The following TRRAP variants were observed in gnomAD, a reference collection of about 807,000 sequenced individuals.
The protein encoded by TRRAP is transformation/transcription domain associated protein.
Under a neutral mutation model 438.8 loss-of-function variants are expected in TRRAP, and 41 were observed. The ratio of observed to expected loss-of-function variants is 0.09; its 90% CI spans 0.07 to 0.12. The LOEUF is 0.12. Among genes scored for constraint, TRRAP ranks in the 10% least tolerant of loss-of-function variants. The pLI is 1.00. For synonymous variants in TRRAP, 1,994 were observed against 1,962.9 expected (o/e 1.02, Z -0.42); for missense variants, 3,122 against 5,055.1 (o/e 0.62, Z 11.60).
chr7:98,951,432 A>G (rs568957750), intron 39 of TRRAP, among the ~76,000 whole-genome samples: 1 of 152,292 alleles, frequency 6.6e-6, no homozygotes, highest in African/African-American at 2.4e-5. Context: ...CTCCTTTTCC[A>G]GTGAATGAAA....
At chr7:98,897,204 CAGCCTGGGCAACAG>C (rs1215684366) in intron 7 of TRRAP, among the ~76,000 whole-genome samples, 2 of 152,124 alleles carry the variant, frequency 1.3e-5, no homozygotes, top group Non-Finnish European at 2.9e-5. Flanking sequence ...CACTGCACTC[CAGCCTGGGCAACAG>C]AGCGAGACTC....
intron 33 of TRRAP, 73 bp downstream of exon 33, chr7:98,946,023 C>T: frequency 6.7e-6 from 9 of 1,347,512 alleles, no homozygotes; most frequent in East Asian, 3.2e-5. Context: ...TTAGCTGTGT[C>T]GTGGTTCTGT....
At chr7:98,972,505 A>C (rs190275506) in intron 53 of TRRAP, among the ~76,000 whole-genome samples, 1 of 152,322 alleles carries the variant, frequency 6.6e-6, no homozygotes. Context: ...AAATGAGTTA[A>C]TTTGCTAAAT....
chr7:98,920,012 T>C (rs545032653), intron 20 of TRRAP, among the ~76,000 whole-genome samples: 1 of 152,056 alleles, frequency 6.6e-6, no homozygotes, highest in East Asian at 1.9e-4. Flanking sequence ...AGGTGAGAGG[T>C]CTTAGACTAC....
chr7:98,975,755 G>A lies in TRRAP; in HGVS notation c.7840-394G>A, dbSNP rs546230670. Among the ~76,000 whole-genome samples, 28 of 152,280 alleles carry A rather than the reference G, an allele frequency of 1.8e-4. No homozygotes were observed. The South Asian group carries it at 4.8e-3, about 26-fold the overall frequency. Reference sequence around the variant, plus strand: ...TTGGCAAATAGTTTATGTCATATACGTGTGTTTTCACTTTCCTATTTTCAG... The same window carrying A: ...TTGGCAAATAGTTTATGTCATATACATGTGTTTTCACTTTCCTATTTTCAG... On this transcript the variant is annotated intron_variant, in intron 53 of 72. Coordinates refer to ENST00000456197, the MANE Select transcript of TRRAP (RefSeq NM_001375524.1).
intron 59 of TRRAP, 36 bp downstream of exon 59, chr7:98,981,996 G>GGCCTGTC (rs1234629321): frequency 2.5e-5 from 37 of 1,492,936 alleles, no homozygotes; most frequent in Non-Finnish European, 3.3e-5. Context: ...ACAGGCCTGT[G>GGCCTGTC]GCCTGTCGCA....
chr7:98,978,083 T>A (rs1792750118), intron 56 of TRRAP, 128 bp from the exon 57 acceptor site: 7 of 806,956 alleles, frequency 8.7e-6, no homozygotes, highest in Non-Finnish European at 1.4e-5. Context: ...AATTAAGAGT[T>A]TGAGTCCAGC....
Position 98,984,224 on chromosome 7 carries a change from G to A in TRRAP, c.9154G>A (p.Val3052Ile). 6.2e-7 allele frequency: 1 copy of A among 1,614,200 alleles called. No individual in the cohort carries two copies. ...CGCCCGGAAACAAGGACTGGTCAATGTAGCTCTGGATATATTAAGTCGGAT... is the reference window on the plus strand; with the variant it reads ...CGCCCGGAAACAAGGACTGGTCAATATAGCTCTGGATATATTAAGTCGGAT... ...KIARKQGLVN[V>I]ALDILSRIHT... The change falls in exon 61 of 73, where the codon GTA becomes ATA. Residue 3052 changes from valine (V) to isoleucine (I), a missense_variant. Around this residue, in one of 24 missense-constraint regions of TRRAP, gnomAD observed 129 missense variants for 279.2 expected, o/e 0.46. Transcript: ENST00000456197.
chr7:99,005,722 A>G lies in TRRAP; in HGVS notation c.10753+374A>G, dbSNP rs1794133149. Among the ~76,000 whole-genome samples the G allele has an allele frequency of 6.7e-6, 1 of 150,116 alleles. No individual in the cohort carries two copies. ...TTTTTAGCTCATCACCTGTCGTGTC[A>G]GTGTATTTTATGTGTGGCCTGAGAC... On this transcript the variant is annotated intron_variant, in intron 69 of 72. Transcript: ENST00000456197. This position sits in a 1 kb window ranked among gnomAD's most constrained non-coding sequence, Gnocchi z 5.1.
intron 65 of TRRAP, among the ~76,000 whole-genome samples, chr7:98,992,920 T>A (rs1793493081): frequency 1.3e-5 from 2 of 152,206 alleles, no homozygotes; most frequent in South Asian, 4.1e-4. Flanking sequence ...TGGCTTCATG[T>A]CTTGGTCATT....
intron 18 of TRRAP, 93 bp downstream of exon 18, chr7:98,912,306 G>A (rs1417373359): frequency 1.6e-5 from 22 of 1,366,216 alleles, no homozygotes; most frequent in South Asian, 3.1e-5. Flanking sequence ...GCTGGTCAGC[G>A]TTCTGGACTC....
At chr7:98,932,332 C>A (rs1554413120) in intron 26 of TRRAP, among the ~76,000 whole-genome samples, 1 of 152,094 alleles carries the variant, frequency 6.6e-6, no homozygotes, top group East Asian at 1.9e-4. Context: ...CTAGGGTGGT[C>A]TCGGTCTTCT....
chr7:98,915,292 A>C (rs1393789495), intron 18 of TRRAP, among the ~76,000 whole-genome samples: 3 of 152,042 alleles, frequency 2.0e-5, no homozygotes, highest in Non-Finnish European at 4.4e-5. Flanking sequence ...TCCTGGGCTC[A>C]AGCAATTCTC....
Position 98,994,949 on chromosome 7 carries a change from C to G in TRRAP, c.10309+101C>G. The G allele has an allele frequency of 6.8e-7, 1 of 1,475,948 alleles. No homozygotes were observed. The highest frequency in any genetic ancestry group is 9.2e-7 in the Non-Finnish European group (1 of 1,088,720). The allele number at this position is 1,475,948 out of a possible 1,614,324, so 91.4% of individuals were successfully genotyped here. A position where few individuals can be genotyped will look rare whatever the true frequency, so the allele number is the denominator to read the frequency against. On this transcript the variant is annotated intron_variant, in intron 67 of 72. Transcript: ENST00000456197. The surrounding 1 kb of genome is among the most constrained non-coding windows in gnomAD (Gnocchi z 4.8). ...GATTGGATCCTTGGTTTTCTGATCA[C>G]TGCACGGGGCACACTGGTTACACTC...
Position 99,011,039 on chromosome 7 carries a change from C to T in TRRAP, c.10939-13C>T, listed in dbSNP as rs534262137. The T allele has an allele frequency of 6.8e-6, 11 of 1,607,894 alleles. No individual in the cohort carries two copies. Among genetic ancestry groups the T allele is most frequent in the Admixed American group, 5.0e-5 (3 of 59,788 alleles). On this transcript the variant is annotated splice_polypyrimidine_tract_variant and intron_variant, in intron 70 of 72. Coordinates refer to ENST00000456197, the MANE Select transcript of TRRAP (RefSeq NM_001375524.1). This position sits in a 1 kb window ranked among gnomAD's most constrained non-coding sequence, Gnocchi z 7.1. ...TGAGTGAGATGGGAGTGTCACGGAG[C>T]GCTGTGTTTCAGGTCCTCCGCGACA... is the stretch of plus-strand genomic sequence containing the variant.
At position 98,910,213 on chromosome 7, in the gene TRRAP, T is replaced by C; in HGVS notation, c.1508T>C (p.Val503Ala). The C allele has an allele frequency of 5.9e-6, 9 of 1,538,410 alleles. No individual in the cohort carries two copies. Among genetic ancestry groups the C allele is most frequent in the South Asian group, 3.5e-5 (3 of 85,134 alleles). ...GGCCCTGCTCCCTCCCCAGCCCCTG[T>C]CCCTGCCCCACCTCCACCCCCGCCC... is the stretch of plus-strand genomic sequence containing the variant. Reference protein sequence around the residue: ...APGPAPSPAPVPAPPPPPPPP... With the variant: ...APGPAPSPAPAPAPPPPPPPP... The change falls in exon 15 of 73, where the codon GTC becomes GCC. Residue 503 changes from valine to alanine, a missense_variant. Val to Ala is a moderately conservative substitution (Grantham distance 64). Around this residue, in one of 24 missense-constraint regions of TRRAP, gnomAD observed 115 missense variants for 124.6 expected, o/e 0.92. Transcript: ENST00000456197.
Position 98,973,585 on chromosome 7 carries a change from C to T in TRRAP, c.7839+1640C>T, listed in dbSNP as rs112973409. ...TGGATGGCGGCTGGGCTAGACCAGA[C>T]GTGGCTGAAATCTCGGCAGATCTCA... On this transcript the variant is annotated intron_variant, in intron 53 of 72. Coordinates refer to ENST00000456197, the MANE Select transcript of TRRAP (RefSeq NM_001375524.1). Among the ~76,000 whole-genome samples the T allele has an allele frequency of 8.5e-3, 1,297 of 152,348 alleles. 24 individuals are homozygous for T. The highest frequency in any genetic ancestry group is 0.029 in the African/African-American group (1,190 of 41,570).
In TRRAP at chr7:99,005,169, C is replaced by T. The variant is rs1277231699; in HGVS notation, c.10574C>T (p.Thr3525Ile). The change falls in exon 69 of 73, where the codon ACC becomes ATC. Residue 3525 changes from threonine to isoleucine, a missense_variant. Thr to Ile is a moderately conservative substitution (Grantham distance 89). Around this residue, in one of 24 missense-constraint regions of TRRAP, gnomAD observed 95 missense variants for 144.1 expected, o/e 0.66. Transcript: ENST00000456197. The surrounding 1 kb of genome is among the most constrained non-coding windows in gnomAD (Gnocchi z 5.1). ...GTAGAGATTGTGCAGAAGCACAACA[C>T]CGCAGCCCGGCGGCTGTACATCCGG... ...PRVEIVQKHN[T>I]AARRLYIRGH... 6.2e-7 allele frequency: 1 copy of T among 1,614,022 alleles called. No homozygotes were observed. Among genetic ancestry groups the T allele is most frequent in the Non-Finnish European group, 8.5e-7 (1 of 1,180,042 alleles).
chr7:98,881,628 G>A (rs1554403118), intron 2 of TRRAP: 1 of 287,932 alleles, frequency 3.5e-6, no homozygotes, highest in African/African-American at 2.2e-5. Context: ...CAGCTCAGAT[G>A]TTGTGTACTT....
Sources: gnomAD v4.1 joint callset for allele counts (sites outside exome capture counted in the v4.1 genomes callset) on GRCh38, gnomAD v4.1.1 for gene constraint, gnomAD v4.1.1 regional missense constraint, Gnocchi (gnomAD v3.1) non-coding constraint, MANE v1.5 for transcripts, NCBI Gene and HGNC (gene_info 2026-07-23, HGNC 2026-07-21) for gene names.